NAV3: variants seen among roughly 807,000 people sequenced by gnomAD.
NAV3 encodes pore membrane and/or filament interacting like protein 1.
Under a neutral mutation model 244.7 loss-of-function variants are expected in NAV3, and 87 were observed. The ratio of observed to expected loss-of-function variants is 0.36; its 90% CI spans 0.30 to 0.42. The LOEUF (loss-of-function observed/expected upper bound fraction) is 0.42. NAV3 is among the 20% of genes least tolerant of loss of function. NAV3 has a pLI of 1.00. For missense variants in NAV3, 2,663 were observed against 2,893.3 expected, an observed-to-expected ratio of 0.92 and a Z score of 1.83; for synonymous variants, 1,126 against 1,042.2, an observed-to-expected ratio of 1.08 and a Z score of -1.55.
intron 6 of NAV3, among the ~76,000 whole-genome samples, 159 bp from the exon 7 acceptor site, chr12:77,998,178 A>C (rs11107763): frequency 0.12 from 17,544 of 152,244 alleles, 1,182 homozygotes; most frequent in South Asian, 0.15. Context: ...GAAGATCTGC[A>C]ACATTGTGCT....
intron 12 of NAV3, among the ~76,000 whole-genome samples, chr12:78,080,799 G>A (rs1320665639): frequency 1.3e-5 from 2 of 152,200 alleles, no homozygotes; most frequent in African/African-American, 4.8e-5. Flanking sequence ...AGCCTTCCAT[G>A]CAGAATTAAT....
chr12:77,951,652 A>G (rs1198787808), intron 3 of NAV3, among the ~76,000 whole-genome samples: 1 of 152,186 alleles, frequency 6.6e-6, no homozygotes, highest in East Asian at 1.9e-4. Flanking sequence ...CACAATAGCA[A>G]AGACTTGGAA....
chr12:78,151,478 A>G (rs1347187045), intron 22 of NAV3, among the ~76,000 whole-genome samples: 1 of 152,062 alleles, frequency 6.6e-6, no homozygotes, highest in Admixed American at 6.6e-5. Context: ...TGATACGTGC[A>G]TCAACTTGGG....
rs538009746 is a variant in NAV3 at position 77,621,763 on chromosome 12, C to T, written c.72+49497C>T. 3.5e-4 allele frequency among the ~76,000 whole-genome samples: 53 copies of T among 152,158 alleles called. No individual in the cohort carries two copies. The South Asian group carries it at 0.01, about 29-fold the overall frequency. ...AAAGTGCTGGGATTACAGGCATGAG[C>T]CACTGCACCCGGCCTGAACTCTACC... On this transcript the variant is annotated intron_variant, in intron 2 of 8. Coordinates refer to the NAV3 transcript ENST00000550042.
At chr12:77,906,595 A>G (rs1886004305) in intron 1 of NAV3, among the ~76,000 whole-genome samples, 1 of 152,238 alleles carries the variant, frequency 6.6e-6, no homozygotes, top group East Asian at 1.9e-4. Context: ...TTAGCAGACT[A>G]TTAAAACTCC....
Position 78,118,174 on chromosome 12 carries a change from G to A in NAV3, c.2917G>A (p.Glu973Lys), listed in dbSNP as rs1230711604. 9 of 1,613,886 alleles carry A rather than the reference G, an allele frequency of 5.6e-6. No homozygotes were observed. The highest frequency in any genetic ancestry group is 5.3e-5 in the African/African-American group (4 of 74,864). Residue 973 changes from glutamate (E) to lysine (K), a missense_variant, in exon 14 of 40, where the codon GAG (glutamate) becomes AAG (lysine). By Grantham distance (56) the Glu-to-Lys change is moderately conservative. This residue lies in a region of NAV3 where 1,521 missense variants were observed against 1,497.0 expected (regional missense o/e 1.02). Coordinates refer to ENST00000397909, the MANE Select transcript of NAV3 (RefSeq NM_001024383.2). ...GTCCTCTGGACTTCCTGAAGACCCC[G>A]AGAAGGCAGGGCAGAAAGCTTCCCT... ...TVSSGLPEDP[E>K]KAGQKASLSV...
At chr12:78,114,272 G>T (rs1315604959) in intron 12 of NAV3, among the ~76,000 whole-genome samples, 2 of 152,072 alleles carry the variant, frequency 1.3e-5, no homozygotes, top group African/African-American at 4.8e-5. Flanking sequence ...TCCAACTTCT[G>T]CCTGTTACCC....
At chr12:78,008,901 C>T (rs1397360672) in intron 8 of NAV3, among the ~76,000 whole-genome samples, 1 of 152,028 alleles carries the variant, frequency 6.6e-6, no homozygotes, top group African/African-American at 2.4e-5. Flanking sequence ...AAATCATGAT[C>T]CACATTTCAA....
chr12:77,662,199 A>C (rs1873483562), intron 2 of NAV3, among the ~76,000 whole-genome samples: 1 of 149,434 alleles, frequency 6.7e-6, no homozygotes, highest in South Asian at 2.1e-4. Context: ...GGCATATCTC[A>C]CCTTATTATA....
chr12:78,182,787 T>C (rs1258204957), intron 30 of NAV3, among the ~76,000 whole-genome samples: 1 of 151,958 alleles, frequency 6.6e-6, no homozygotes, highest in African/African-American at 2.4e-5. Context: ...TATTTTTCAA[T>C]AGTGATACTT....
chr12:78,069,607 A>C (rs902187021), intron 12 of NAV3, among the ~76,000 whole-genome samples: 1 of 152,006 alleles, frequency 6.6e-6, no homozygotes, highest in Non-Finnish European at 1.5e-5. Flanking sequence ...ATGTGGAATA[A>C]ATTACATATC....
At position 77,791,183 on chromosome 12, in the gene NAV3, G is replaced by A. The variant is rs11106701; in HGVS notation, c.73-149136G>A. On this transcript the variant is annotated intron_variant, in intron 2 of 8. Coordinates refer to the NAV3 transcript ENST00000550042. ...AGCCTGGCCAATATGGTGAAACCCC[G>A]TCTCTACTAAAAATACAAAAATTAG... Among the ~76,000 whole-genome samples the A allele has an allele frequency of 6.1e-3, 930 of 151,898 alleles. 11 individuals carry two copies. The highest frequency in any genetic ancestry group is 0.022 in the African/African-American group (894 of 41,428).
chr12:77,697,663 G>C (rs1190405955), intron 2 of NAV3, among the ~76,000 whole-genome samples: 1 of 152,004 alleles, frequency 6.6e-6, no homozygotes, highest in Non-Finnish European at 1.5e-5. Context: ...TTAGTAAGTG[G>C]TTATATATAG....
At chr12:77,970,011 CAT>C (rs1264491647) in intron 5 of NAV3, among the ~76,000 whole-genome samples, 2 of 152,152 alleles carry the variant, frequency 1.3e-5, no homozygotes, top group East Asian at 3.8e-4. Flanking sequence ...TATAGTCTAA[CAT>C]AGTTTACATA....
chr12:78,199,004 T>A, intron 36 of NAV3: 1 of 502,956 alleles, frequency 2.0e-6, no homozygotes, highest in South Asian at 1.9e-5. Context: ...TAGAGCATAT[T>A]CCTTCTAAGT....
At chr12:78,056,092 C>T (rs964561664) in intron 11 of NAV3, 1 of 152,158 alleles carries the variant, frequency 6.6e-6, no homozygotes, top group Admixed American at 6.5e-5. Flanking sequence ...TCAAATCCTA[C>T]ATGAAACTTC....
intron 2 of NAV3, among the ~76,000 whole-genome samples, chr12:77,715,854 A>G (rs1876334927): frequency 6.6e-6 from 1 of 152,034 alleles, no homozygotes; most frequent in African/African-American, 2.4e-5. Context: ...TTGATGCAGA[A>G]TGCCATTTAT....
At chr12:77,817,879 G>A (rs1872581699) in intron 2 of NAV3, among the ~76,000 whole-genome samples, 1 of 152,044 alleles carries the variant, frequency 6.6e-6, no homozygotes, top group Admixed American at 6.6e-5. Flanking sequence ...TCTTTCACCT[G>A]TCAGAAAATA....
intron 18 of NAV3, among the ~76,000 whole-genome samples, chr12:78,136,796 A>C (rs993524125): frequency 2.0e-5 from 3 of 152,054 alleles, no homozygotes; most frequent in African/African-American, 7.2e-5. Flanking sequence ...TTTCTTTTTG[A>C]TTTTGCTTTT....
Sources: gnomAD v4.1 joint callset for allele counts (sites outside exome capture counted in the v4.1 genomes callset) on GRCh38, gnomAD v4.1.1 for gene constraint, gnomAD v4.1.1 regional missense constraint, MANE v1.5 for transcripts, NCBI Gene and HGNC (gene_info 2026-07-23, HGNC 2026-07-21) for gene names.